The following EBF2 variants were observed in gnomAD, a reference collection of about 807,000 sequenced individuals.
EBF2 encodes EBF transcription factor 2.
Under a neutral mutation model 72.8 loss-of-function variants are expected in EBF2, and 21 were observed. The observed-to-expected ratio is 0.29, with a 90% CI of 0.20 to 0.42. The LOEUF (loss-of-function observed/expected upper bound fraction) is 0.42, where lower values mean the gene tolerates loss of function less well. Among genes scored for constraint, EBF2 ranks in the 10% least tolerant of loss-of-function variants. The pLI, the probability that EBF2 is intolerant of heterozygous loss-of-function variation, is 1.00. For synonymous variants in EBF2, 299 were observed against 274.2 expected (o/e 1.09, Z -0.89); for missense variants, 637 against 731.2 (o/e 0.87, Z 1.49).
chr8:25,858,651 CTTTTT>C (rs34189731), intron 13 of EBF2, 147 bp from the exon 14 acceptor site: 759 of 136,216 alleles, frequency 5.6e-3, no homozygotes, highest in South Asian at 0.014. Context: ...CCATCTTTAG[CTTTTT>C]TTTTTTTTTT....
At chr8:25,958,254 G>T (rs116920754) in intron 6 of EBF2, among the ~76,000 whole-genome samples, 1 of 152,182 alleles carries the variant, frequency 6.6e-6, no homozygotes, top group Admixed American at 6.5e-5. Flanking sequence ...GCAGGAAAAG[G>T]TAAAAGTAAA....
chr8:25,868,368 C>G (rs1165411394), intron 10 of EBF2, among the ~76,000 whole-genome samples: 2 of 152,182 alleles, frequency 1.3e-5, no homozygotes, highest in Admixed American at 6.5e-5. Context: ...TCTTTTTGAT[C>G]ACTTTAACAC....
chr8:25,984,929 A>G (rs1397402145), intron 6 of EBF2, among the ~76,000 whole-genome samples: 1 of 74,006 alleles, frequency 1.4e-5, no homozygotes, highest in Admixed American at 1.9e-4. Flanking sequence ...TTAAAAACTC[A>G]GCTTCTGAAA....
intron 6 of EBF2, among the ~76,000 whole-genome samples, chr8:25,932,532 A>G (rs1282382415): frequency 6.6e-6 from 1 of 152,230 alleles, no homozygotes; most frequent in African/African-American, 2.4e-5. Flanking sequence ...ACTTACCACT[A>G]CGGCAGAAGC....
intron 5 of EBF2, among the ~76,000 whole-genome samples, chr8:26,037,312 G>A (rs913911122): frequency 1.1e-4 from 17 of 152,162 alleles, no homozygotes; most frequent in Non-Finnish European, 1.6e-4. Flanking sequence ...AGAGTGTCCC[G>A]TCAGCCAAAC....
At position 25,908,613 on chromosome 8, in the gene EBF2, T is replaced by C. The variant is rs1042798054; in HGVS notation, c.552-58A>G. On this transcript the variant is annotated intron_variant, in intron 6 of 15. Coordinates refer to ENST00000520164, the MANE Select transcript of EBF2 (RefSeq NM_022659.4). ...AGTAAACATTTTTAAAGGGAGAATATAGCTGCATTCCATTAGATTTGATTT... is the reference window on the plus strand; with the variant it reads ...AGTAAACATTTTTAAAGGGAGAATACAGCTGCATTCCATTAGATTTGATTT... 16 of 1,119,476 alleles carry C rather than the reference T, an allele frequency of 1.4e-5. No individual in the cohort carries two copies. In the Middle Eastern group the frequency reaches 5.9e-4, roughly 41 times the overall value. 69.3% of individuals were successfully genotyped at this position (1,119,476 alleles called of 1,614,324 possible). A position where few individuals can be genotyped will look rare whatever the true frequency, so the allele number is the denominator to read the frequency against.
intron 6 of EBF2, among the ~76,000 whole-genome samples, chr8:25,927,868 C>T (rs1247690239): frequency 6.6e-6 from 1 of 152,096 alleles, no homozygotes; most frequent in East Asian, 1.9e-4. Context: ...TGAGAAATCC[C>T]CGACTTTTCT....
rs571691089 is a variant in EBF2 at position 25,843,921 on chromosome 8, A to G, written c.*688T>C. On this transcript the variant is annotated 3_prime_UTR_variant, in exon 16 of 16. Coordinates refer to ENST00000520164, the MANE Select transcript of EBF2 (RefSeq NM_022659.4). The stretch of plus-strand genomic sequence containing the variant: ...AAACTTGTTACTACATGTTTGCATC[A>G]TTTTCATTTTACATCAGGAAGAGAA... 2.0e-5 allele frequency: 3 copies of G among 152,246 alleles called. No individual in the cohort carries two copies. In the South Asian group the frequency reaches 6.2e-4, roughly 32 times the overall value. 9.4% of individuals were successfully genotyped at this position (152,246 alleles called of 1,614,324 possible).
At chr8:25,903,093 T>C (rs1307802423) in intron 7 of EBF2, among the ~76,000 whole-genome samples, 2 of 152,120 alleles carry the variant, frequency 1.3e-5, no homozygotes, top group Non-Finnish European at 2.9e-5. Flanking sequence ...CAGACATATA[T>C]ATTTATAGGG....
Position 26,044,218 on chromosome 8 carries a change from C to T in EBF2, c.131+511G>A, listed in dbSNP as rs532885337. 6.6e-6 allele frequency among the ~76,000 whole-genome samples: 1 copy of T among 152,302 alleles called. No individual in the cohort carries two copies. Among genetic ancestry groups the T allele is most frequent in the South Asian group, 2.1e-4 (1 of 4,832 alleles). On this transcript the variant is annotated intron_variant, in intron 1 of 15. Transcript: ENST00000520164. This position sits in a 1 kb window ranked among gnomAD's most constrained non-coding sequence, Gnocchi z 4.1. ...TTCCCGGGCAGCCGCTCCGGCTTTT[C>T]CCGCTCCCCTCGCCGCCGCCACCCT...
At position 26,010,195 on chromosome 8, in the gene EBF2, A is replaced by AT. The variant is rs148795358; in HGVS notation, c.551+22889dup. Among the ~76,000 whole-genome samples the AT allele has an allele frequency of 6.9e-3, 1,046 of 152,298 alleles. 21 individuals carry two copies. Among genetic ancestry groups the AT allele is most frequent in the African/African-American group, 0.024 (1,012 of 41,566 alleles). On this transcript the variant is annotated intron_variant, in intron 6 of 15. Coordinates refer to ENST00000520164, the MANE Select transcript of EBF2 (RefSeq NM_022659.4). ...AATATTAGCATTGTCTGGCCGTGGC[A>AT]TTTTTTCCCCCTTCTCATAATATAA...
chr8:25,978,866 G>A (rs1290802951), intron 6 of EBF2, among the ~76,000 whole-genome samples: 1 of 152,196 alleles, frequency 6.6e-6, no homozygotes, highest in Non-Finnish European at 1.5e-5. Flanking sequence ...CCAAAGACGT[G>A]CATTATGACA....
intron 6 of EBF2, among the ~76,000 whole-genome samples, chr8:26,013,955 C>T (rs1805068124): frequency 6.6e-6 from 1 of 152,142 alleles, no homozygotes; most frequent in South Asian, 2.1e-4. Flanking sequence ...CCACTACAGA[C>T]AATACTGGGC....
chr8:25,985,022 A>T (rs73675758), intron 6 of EBF2, among the ~76,000 whole-genome samples: 2 of 152,160 alleles, frequency 1.3e-5, no homozygotes, highest in Non-Finnish European at 2.9e-5. Context: ...GGGACCGTAA[A>T]CTCTGCTCTT....
At chr8:25,903,570 G>A (rs1188740076) in intron 7 of EBF2, among the ~76,000 whole-genome samples, 2 of 152,156 alleles carry the variant, frequency 1.3e-5, no homozygotes, top group African/African-American at 4.8e-5. Flanking sequence ...GGTGGCAAGT[G>A]CCTGTAATCC....
intron 6 of EBF2, among the ~76,000 whole-genome samples, chr8:25,925,355 C>T (rs1803369507): frequency 1.3e-5 from 2 of 152,050 alleles, no homozygotes; most frequent in Admixed American, 1.3e-4. Context: ...AGGACAAAAA[C>T]AGGGCAATGG....
At chr8:25,949,402 C>T (rs952891349) in intron 6 of EBF2, among the ~76,000 whole-genome samples, 17 of 152,080 alleles carry the variant, frequency 1.1e-4, no homozygotes, top group African/African-American at 4.1e-4. Flanking sequence ...AACATAGGTC[C>T]TCTTTTGGTT....
intron 5 of EBF2, 138 bp from the exon 6 acceptor site, chr8:26,033,291 T>C: frequency 1.3e-6 from 1 of 771,742 alleles, no homozygotes. Flanking sequence ...GCTTGATGCC[T>C]CCTTCTTGGC....
At chr8:25,981,091 C>T (rs898130750) in intron 6 of EBF2, among the ~76,000 whole-genome samples, 4 of 152,140 alleles carry the variant, frequency 2.6e-5, no homozygotes, top group African/African-American at 9.7e-5. Context: ...CTTGCTCCTC[C>T]CTGCTCTGCC....
Sources: allele counts gnomAD v4.1 joint callset (sites outside exome capture counted in the v4.1 genomes callset), GRCh38; gene constraint gnomAD v4.1.1; non-coding constraint Gnocchi (gnomAD v3.1); transcripts MANE v1.5; gene names NCBI Gene and HGNC (gene_info 2026-07-23, HGNC 2026-07-21).